Variants in UACA observed in about 807,000 individuals in gnomAD.
The protein encoded by UACA is nuclear membrane binding protein.
A neutral mutation model predicts 160.5 loss-of-function variants in UACA; 112 were observed. That is an observed-to-expected ratio of 0.70 (90% CI 0.60 to 0.82). UACA has a LOEUF of 0.82. UACA is among the 40% of genes least tolerant of loss of function. UACA has a pLI of 0.00. For missense variants in UACA, 1,574 were observed against 1,614.6 expected (o/e 0.97, Z 0.43); for synonymous variants, 557 against 568.4 (o/e 0.98, Z 0.29).
At position 70,763,555 on chromosome 15, in the gene UACA, C is replaced by A; in HGVS notation, c.-148G>T. 3.2e-6 allele frequency: 4 copies of A among 1,241,076 alleles called. No individual in the cohort carries two copies. The highest frequency in any genetic ancestry group is 3.0e-6 in the Non-Finnish European group (3 of 989,976). 76.9% of individuals were successfully genotyped at this position (1,241,076 alleles called of 1,614,324 possible). A position where few individuals can be genotyped will look rare whatever the true frequency, so the allele number is the denominator to read the frequency against. ...CCTGCGGGCCCCGGGCAGCAGACGT[C>A]GACAGGCCTGAGGCGGGGCTCCCCT... On this transcript the variant is annotated 5_prime_UTR_variant, in exon 1 of 19. Coordinates refer to ENST00000322954, the MANE Select transcript of UACA (RefSeq NM_018003.4).
rs1899519798 is a variant in UACA, at chr15:70,741,057, T to A, written c.78+22273A>T. Among the ~76,000 whole-genome samples, 4 of 150,866 alleles carry A rather than the reference T, an allele frequency of 2.7e-5. 1 individual carries two copies. The South Asian group carries it at 8.4e-4, about 32-fold the overall frequency. On this transcript the variant is annotated intron_variant, in intron 1 of 18. Transcript: ENST00000322954. ...AAATAAAAATAAAAATAAAATAAAA[T>A]AAAAATAAAAAGGGGGGGCTGGGCT... is the stretch of plus-strand genomic sequence containing the variant.
At chr15:70,709,398 A>G (rs1259651233) in intron 1 of UACA, among the ~76,000 whole-genome samples, 2 of 152,230 alleles carry the variant, frequency 1.3e-5, no homozygotes, top group Non-Finnish European at 2.9e-5. Context: ...ATCTAACTGG[A>G]TAACGTTAAA....
chr15:70,728,119 A>C (rs1217565051), intron 1 of UACA, among the ~76,000 whole-genome samples: 1 of 152,232 alleles, frequency 6.6e-6, no homozygotes, highest in East Asian at 1.9e-4. Flanking sequence ...AAAAATAAGC[A>C]ACAGGGAAAG....
In UACA at chr15:70,761,385, T is replaced by A. The variant is rs79348794; in HGVS notation, c.78+1945A>T. On this transcript the variant is annotated intron_variant, in intron 1 of 18. Coordinates refer to ENST00000322954, the MANE Select transcript of UACA (RefSeq NM_018003.4). Reference sequence around the variant, plus strand: ...CTATATTACCTATTCAAAAAATAACTGTTTTTAAAGGCAAAAAGAAAAAAA... The same window carrying A: ...CTATATTACCTATTCAAAAAATAACAGTTTTTAAAGGCAAAAAGAAAAAAA... Among the ~76,000 whole-genome samples, 1,192 of 151,888 alleles carry A rather than the reference T, an allele frequency of 7.8e-3. 77 individuals are homozygous for A. In the East Asian group the frequency reaches 0.16, roughly 20 times the overall value.
At chr15:70,738,729 T>C (rs1022055080) in intron 1 of UACA, among the ~76,000 whole-genome samples, 9 of 152,054 alleles carry the variant, frequency 5.9e-5, no homozygotes, top group Non-Finnish European at 4.4e-5. Context: ...GAAACATTCA[T>C]CCAAAAAAAA....
chr15:70,677,690 G>T (rs1215554281), intron 11 of UACA, among the ~76,000 whole-genome samples: 3 of 151,964 alleles, frequency 2.0e-5, no homozygotes, highest in Non-Finnish European at 2.9e-5. Context: ...TCTAAAAAAT[G>T]ATTTATGGAT....
Position 70,659,509 on chromosome 15 carries a change from C to T in UACA, c.4179+642G>A, listed in dbSNP as rs189080111. Among the ~76,000 whole-genome samples the T allele has an allele frequency of 2.1e-5, 3 of 140,720 alleles. No homozygotes were observed. The Admixed American group carries it at 2.3e-4, about 11-fold the overall frequency. 92.3% of individuals were successfully genotyped at this position (140,720 alleles called of 152,430 possible). ...ATTCTAAAATTTGTTTCTTTTAGTACATTTTCTTCCTGAAAAAAAATCTAT... is the reference window on the plus strand; with the variant it reads ...ATTCTAAAATTTGTTTCTTTTAGTATATTTTCTTCCTGAAAAAAAATCTAT... On this transcript the variant is annotated intron_variant, in intron 18 of 18. Coordinates refer to ENST00000322954, the MANE Select transcript of UACA (RefSeq NM_018003.4).
chr15:70,753,140 C>G (rs567426896), intron 1 of UACA, among the ~76,000 whole-genome samples: 4 of 152,218 alleles, frequency 2.6e-5, no homozygotes, highest in African/African-American at 9.6e-5. Flanking sequence ...GTATAAAGCT[C>G]TTACAGATCA....
chr15:70,668,074 C>T lies in UACA; in HGVS notation c.2610G>A (p.Met870Ile), dbSNP rs776626083. ...TTTTGGCTAACGTGTCATTCAGTGT[C>T]ATTTTAACCTCTTCATGGGTTTTAA... The part of the protein sequence containing the change: ...VPVKTHEEVK[M>I]TLNDTLAKTN... Residue 870 changes from methionine to isoleucine, a missense_variant, in exon 16 of 19, where the codon ATG becomes ATA. Physicochemically the swap from Met to Ile is conservative, Grantham distance 10. Transcript: ENST00000322954. The T allele has an allele frequency of 3.7e-6, 6 of 1,613,380 alleles. No individual in the cohort carries two copies. The Admixed American group carries it at 5.0e-5, about 13-fold the overall frequency.
chr15:70,710,238 C>G (rs559916714), intron 1 of UACA, among the ~76,000 whole-genome samples: 1 of 152,222 alleles, frequency 6.6e-6, no homozygotes, highest in East Asian at 1.9e-4. Flanking sequence ...CTGTCTGTTA[C>G]AGCAAGACCC....
rs1296755813 is a variant in UACA at position 70,761,209 on chromosome 15, T to G, written c.78+2121A>C. On this transcript the variant is annotated intron_variant, in intron 1 of 18. Coordinates refer to ENST00000322954, the MANE Select transcript of UACA (RefSeq NM_018003.4). ...GACTATATTCATATTTGCTTGTATA[T>G]GCTAAGCTCTCTCTGGAGGAACATG... 3.9e-5 allele frequency among the ~76,000 whole-genome samples: 6 copies of G among 152,228 alleles called. No homozygotes were observed. The East Asian group carries it at 1.2e-3, about 29-fold the overall frequency.
In UACA at chr15:70,759,375, G is replaced by C. The variant is rs559761478; in HGVS notation, c.78+3955C>G. Among the ~76,000 whole-genome samples the C allele has an allele frequency of 2.0e-3, 307 of 152,296 alleles. 1 individual carries two copies. The highest frequency in any genetic ancestry group is 7.0e-3 in the African/African-American group (291 of 41,552). On this transcript the variant is annotated intron_variant, in intron 1 of 18. Coordinates refer to ENST00000322954, the MANE Select transcript of UACA (RefSeq NM_018003.4). ...AAGTGATTAAAAATAAATGTAACAG[G>C]CTGGGCACGGTGGCTGATGCTTGTA...
chr15:70,702,124 C>T, intron 1 of UACA: 1 of 1,310,956 alleles, frequency 7.6e-7, no homozygotes, highest in East Asian at 3.0e-5. Context: ...ATATTATCTT[C>T]CTTGCAATGC....
intron 1 of UACA, among the ~76,000 whole-genome samples, chr15:70,749,698 CAAAAAAAA>C (rs11292883): frequency 2.9e-5 from 2 of 70,044 alleles, no homozygotes; most frequent in African/African-American, 5.2e-5. Flanking sequence ...GACTCCGTCT[CAAAAAAAA>C]AAAAAAAAAA....
chr15:70,777,361 G>A, the UACA span, among the ~76,000 whole-genome samples: 18 of 152,038 alleles, frequency 1.2e-4, no homozygotes, highest in Admixed American at 1.0e-3. Flanking sequence ...AGGCCAGGAG[G>A]GACATATGAG....
intron 1 of UACA, among the ~76,000 whole-genome samples, chr15:70,741,647 G>C (rs1899538670): frequency 6.6e-6 from 1 of 152,008 alleles, no homozygotes; most frequent in South Asian, 2.1e-4. Flanking sequence ...TCTAATTATT[G>C]CTATTTAACT....
Position 70,669,074 on chromosome 15 carries a change from CTG to C in UACA, c.1608_1609del (p.His536GlnfsTer18). 6.2e-7 allele frequency: 1 copy of C among 1,614,036 alleles called. No individual in the cohort carries two copies. Among genetic ancestry groups the C allele is most frequent in the Non-Finnish European group, 8.5e-7 (1 of 1,180,000 alleles). On this transcript the variant is annotated frameshift_variant, in exon 16 of 19. Coordinates refer to ENST00000322954, the MANE Select transcript of UACA (RefSeq NM_018003.4). LOFTEE classifies it high-confidence loss of function. ...CTGATCCTTCAGTTCCTCGGTTAGT[CTG>C]TGATTCCCTGAGGCTGCTTCACTTG... is the stretch of plus-strand genomic sequence containing the variant.
rs1398900102 is a variant in UACA, at chr15:70,715,431, A to G, written c.79-15771T>C. Among the ~76,000 whole-genome samples the G allele has an allele frequency of 2.6e-5, 4 of 152,326 alleles. No individual in the cohort carries two copies. The South Asian group carries it at 8.3e-4, about 32-fold the overall frequency. ...TATTTTTGTACCTTTGGCTTTGTAA[A>G]GAAATATTAATTAAACAAAAATAGG... is the stretch of plus-strand genomic sequence containing the variant. On this transcript the variant is annotated intron_variant, in intron 1 of 18. Coordinates refer to ENST00000322954, the MANE Select transcript of UACA (RefSeq NM_018003.4).
Position 70,698,686 on chromosome 15 carries a change from A to G in UACA, c.212+841T>C, listed in dbSNP as rs1055122298. Reference sequence around the variant, plus strand: ...TATTTAGTATCTGGTTTCCAGTTATAATATTCTGAATAAATTCATGCAAGT... The same window carrying G: ...TATTTAGTATCTGGTTTCCAGTTATGATATTCTGAATAAATTCATGCAAGT... On this transcript the variant is annotated intron_variant, in intron 2 of 18. Transcript: ENST00000322954. Among the ~76,000 whole-genome samples, 14 of 152,308 alleles carry G rather than the reference A, an allele frequency of 9.2e-5. No individual in the cohort carries two copies. The East Asian group carries it at 2.1e-3, about 23-fold the overall frequency.
Sources: gnomAD v4.1 joint callset for allele counts (sites outside exome capture counted in the v4.1 genomes callset) on GRCh38, gnomAD v4.1.1 for gene constraint, MANE v1.5 for transcripts, NCBI Gene and HGNC (gene_info 2026-07-23, HGNC 2026-07-21) for gene names.